RUBCNL: variants seen among roughly 807,000 people sequenced by gnomAD.
RUBCNL encodes rubicon like autophagy enhancer, also known as protein associated with UVRAG as autophagy enhancer.
RUBCNL carries 62 observed loss-of-function variants against 69.5 expected under a neutral mutation model. The ratio of observed to expected loss-of-function variants is 0.89; its 90% confidence interval spans 0.73 to 1.10. The LOEUF (loss-of-function observed/expected upper bound fraction) is 1.10, where lower values mean the gene tolerates loss of function less well. Among genes scored for constraint, RUBCNL ranks in the 50% least tolerant of loss-of-function variants. The pLI, the probability that RUBCNL is intolerant of heterozygous loss-of-function variation, is 0.00. For synonymous variants in RUBCNL, 291 were observed against 303.6 expected (o/e 0.96, Z 0.43); for missense variants, 768 against 798.1 (o/e 0.96, Z 0.45).
chr13:46,360,676 C>A (rs1444927834), intron 8 of RUBCNL, among the ~76,000 whole-genome samples: 1 of 152,260 alleles, frequency 6.6e-6, no homozygotes, highest in Non-Finnish European at 1.5e-5. Context: ...ACTCCTTCCT[C>A]TGCACTTCGA....
At chr13:46,374,221 G>A (rs1478868339) in intron 2 of RUBCNL, among the ~76,000 whole-genome samples, 1 of 152,170 alleles carries the variant, frequency 6.6e-6, no homozygotes, top group African/African-American at 2.4e-5. Flanking sequence ...TGGGATTACA[G>A]GTGCATGCCA....
chr13:46,356,761 T>C (rs1350832047), intron 9 of RUBCNL, among the ~76,000 whole-genome samples: 7 of 152,214 alleles, frequency 4.6e-5, no homozygotes, highest in African/African-American at 1.7e-4. Flanking sequence ...TGGAGGGCAC[T>C]GGCATGATCA....
chr13:46,379,314 G>A (rs1386529476), intron 1 of RUBCNL, among the ~76,000 whole-genome samples: 1 of 152,128 alleles, frequency 6.6e-6, no homozygotes, highest in Non-Finnish European at 1.5e-5. Context: ...GATCTCAGGT[G>A]ATCCACCCAC....
Position 46,335,599 on chromosome 13 carries a change from C to A in RUBCNL, c.*7786G>T, listed in dbSNP as rs113464429. 1.4e-4 allele frequency among the ~76,000 whole-genome samples: 21 copies of A among 152,298 alleles called. No individual in the cohort carries two copies. The highest frequency in any genetic ancestry group is 4.6e-4 in the Admixed American group (7 of 15,306). On this transcript the variant is annotated 3_prime_UTR_variant, in exon 15 of 15. Transcript: ENST00000429979. Reference sequence around the variant, plus strand: ...TGGTAGCTCAACAATTATAAAATAGCAGCAATGCTACGTAGTTCAATCTAA... The same window carrying A: ...TGGTAGCTCAACAATTATAAAATAGAAGCAATGCTACGTAGTTCAATCTAA...
intron 6 of RUBCNL, among the ~76,000 whole-genome samples, 190 bp downstream of exon 6, chr13:46,362,923 CAT>C (rs770827606): frequency 6.8e-5 from 6 of 88,038 alleles, no homozygotes; most frequent in South Asian, 8.0e-4. Flanking sequence ...ACAAGAACAT[CAT>C]ATATATATAT....
At chr13:46,374,912 T>C (rs951347711) in intron 2 of RUBCNL, among the ~76,000 whole-genome samples, 3 of 152,198 alleles carry the variant, frequency 2.0e-5, no homozygotes, top group Admixed American at 2.0e-4. Context: ...TCTGGCTCCT[T>C]CCTGTCATAA....
At chr13:46,384,270 T>G (rs2049185993) in intron 1 of RUBCNL, among the ~76,000 whole-genome samples, 1 of 152,222 alleles carries the variant, frequency 6.6e-6, no homozygotes, top group Admixed American at 6.5e-5. Context: ...CTTCTAAGAA[T>G]CATTTCCAAG....
In RUBCNL at chr13:46,363,179, T is replaced by G. The variant is rs775744766; in HGVS notation, c.861A>C (p.Glu287Asp). 14 of 1,599,002 alleles carry G rather than the reference T, an allele frequency of 8.8e-6. No homozygotes were observed. Among genetic ancestry groups the G allele is most frequent in the Non-Finnish European group, 1.2e-5 (14 of 1,172,714 alleles). Reference protein sequence around the residue: ...CAVLQVSPVTETRTYHDVKEI... With the variant: ...CAVLQVSPVTDTRTYHDVKEI... ...CTTTCACATCATGGTAAGTACGTGT[T>G]TCAGTCACTGGGCTGACCTGTAACA... Residue 287 changes from glutamate (E) to aspartate (D), a missense_variant, in exon 6 of 15, where the codon GAA becomes GAC. Glu to Asp is a conservative substitution (Grantham distance 45). Coordinates refer to ENST00000429979, the MANE Select transcript of RUBCNL (RefSeq NM_025113.5).
intron 10 of RUBCNL, among the ~76,000 whole-genome samples, chr13:46,352,131 T>C (rs2048383567): frequency 6.6e-6 from 1 of 152,150 alleles, no homozygotes; most frequent in African/African-American, 2.4e-5. Context: ...CCCACTGCAC[T>C]TTCTAACCTA....
rs1215851017 is a variant in RUBCNL, at chr13:46,339,251, A to T, written c.*4134T>A. On this transcript the variant is annotated 3_prime_UTR_variant, in exon 15 of 15. Transcript: ENST00000429979. Reference sequence around the variant, plus strand: ...GCATTACTCATAAAAGTATTGTTTTAGTTTCTAGTGAAGTGAAAAAGGGGA... The same window carrying T: ...GCATTACTCATAAAAGTATTGTTTTTGTTTCTAGTGAAGTGAAAAAGGGGA... Among the ~76,000 whole-genome samples the T allele has an allele frequency of 1.3e-5, 2 of 152,170 alleles. No individual in the cohort carries two copies. The highest frequency in any genetic ancestry group is 2.9e-5 in the Non-Finnish European group (2 of 68,030).
In RUBCNL at chr13:46,378,007, T is replaced by A; in HGVS notation, c.-238-2A>T. On this transcript the variant is annotated splice_acceptor_variant, in intron 1 of 14. Coordinates refer to ENST00000429979, the MANE Select transcript of RUBCNL (RefSeq NM_025113.5). LOFTEE classifies it low-confidence loss of function (5UTR_SPLICE). ...CAATATCCCCATTTTTTATTTTATC[T>A]GTAAGGCAAAAAACAATTTGCCAGA... 6.6e-7 allele frequency: 1 copy of A among 1,520,544 alleles called. No individual in the cohort carries two copies. The highest frequency in any genetic ancestry group is 8.8e-7 in the Non-Finnish European group (1 of 1,129,994). 94.2% of individuals were successfully genotyped at this position (1,520,544 alleles called of 1,614,324 possible). A position where few individuals can be genotyped will look rare whatever the true frequency, so the allele number is the denominator to read the frequency against.
chr13:46,339,985 G>A lies in RUBCNL; in HGVS notation c.*3400C>T, dbSNP rs1293409432. 6.6e-6 allele frequency among the ~76,000 whole-genome samples: 1 copy of A among 151,754 alleles called. No homozygotes were observed. Among genetic ancestry groups the A allele is most frequent in the East Asian group, 1.9e-4 (1 of 5,178 alleles). ...TTGGGTTTTTTTTTTAAGGCTCTGA[G>A]GAAGAATCTGCCCCCTGCCTCTCTC... On this transcript the variant is annotated 3_prime_UTR_variant, in exon 15 of 15. Transcript: ENST00000429979.
At chr13:46,365,002 A>G (rs2138769940) in intron 5 of RUBCNL, among the ~76,000 whole-genome samples, 1 of 152,174 alleles carries the variant, frequency 6.6e-6, no homozygotes, top group East Asian at 1.9e-4. Flanking sequence ...GCCATCTAAG[A>G]GTTTAAAATC....
chr13:46,343,528 C>A, intron 14 of RUBCNL, 31 bp from the exon 15 acceptor site: 1 of 1,603,174 alleles, frequency 6.2e-7, no homozygotes, highest in Non-Finnish European at 8.5e-7. Context: ...CGTTAGCAAA[C>A]GGTCTATCTT....
intron 5 of RUBCNL, among the ~76,000 whole-genome samples, chr13:46,364,643 C>T (rs1248550910): frequency 7.2e-6 from 1 of 139,518 alleles, no homozygotes; most frequent in African/African-American, 2.7e-5. Flanking sequence ...AAAAAAAAAA[C>T]TTTCAGGAAA....
chr13:46,381,994 C>CCT (rs976207070), intron 1 of RUBCNL, among the ~76,000 whole-genome samples: 1 of 152,024 alleles, frequency 6.6e-6, no homozygotes, highest in Admixed American at 6.6e-5. Context: ...AGAGGAAAGA[C>CCT]CTCACTATGT....
intron 1 of RUBCNL, among the ~76,000 whole-genome samples, chr13:46,381,262 T>A (rs2049110682): frequency 3.3e-5 from 5 of 152,178 alleles, no homozygotes; most frequent in Admixed American, 1.3e-4. Flanking sequence ...ATCCGTACAA[T>A]GAAATGTTAT....
chr13:46,352,432 T>A (rs1325505159), intron 10 of RUBCNL, among the ~76,000 whole-genome samples: 1 of 152,152 alleles, frequency 6.6e-6, no homozygotes, highest in African/African-American at 2.4e-5. Context: ...ATTAATGAAA[T>A]CATGGATGGG....
Position 46,373,804 on chromosome 13 carries a change from T to C in RUBCNL, c.-122-1207A>G, listed in dbSNP as rs191935208. On this transcript the variant is annotated intron_variant, in intron 2 of 14. Transcript: ENST00000429979. ...GCTGTGCATGCAGGCAACTCCCACA[T>C]GTATCTCTATTTCTGATTTCCCGGC... Among the ~76,000 whole-genome samples the C allele has an allele frequency of 1.2e-4, 19 of 152,340 alleles. No homozygotes were observed. In the Middle Eastern group the frequency reaches 0.01, roughly 82 times the overall value.
Sources: gnomAD v4.1 joint callset for allele counts (sites outside exome capture counted in the v4.1 genomes callset) on GRCh38, gnomAD v4.1.1 for gene constraint, MANE v1.5 for transcripts, NCBI Gene and HGNC (gene_info 2026-07-23, HGNC 2026-07-21) for gene names.